Variants in TMEM232 observed in about 807,000 individuals in gnomAD.
The protein encoded by TMEM232 is transmembrane protein 232.
TMEM232 carries 80 observed loss-of-function variants against 78.8 expected under a neutral mutation model. The ratio of observed to expected loss-of-function variants is 1.01; its 90% CI spans 0.85 to 1.22. The LOEUF is 1.22. Among genes scored for constraint, TMEM232 ranks in the 50% most tolerant of loss-of-function variants. The pLI, the probability that TMEM232 is intolerant of heterozygous loss-of-function variation, is 0.00. For missense variants in TMEM232, 881 were observed against 742.2 expected (o/e 1.19, Z -2.17); for synonymous variants, 297 against 254.3 (o/e 1.17, Z -1.60).
intron 2 of TMEM232, among the ~76,000 whole-genome samples, chr5:110,665,116 G>C (rs898236810): frequency 3.3e-5 from 5 of 152,006 alleles, no homozygotes; most frequent in African/African-American, 1.2e-4. Flanking sequence ...AAATTCTATT[G>C]TATGTATACC....
chr5:110,721,278 A>G (rs1041822733), intron 1 of TMEM232, among the ~76,000 whole-genome samples: 2 of 152,088 alleles, frequency 1.3e-5, no homozygotes, highest in African/African-American at 2.4e-5. Context: ...CACCAATAAA[A>G]TGTAGCCCTG....
At chr5:110,410,293 A>G (rs1038011125) in intron 2 of TMEM232, among the ~76,000 whole-genome samples, 1 of 152,180 alleles carries the variant, frequency 6.6e-6, no homozygotes, top group Non-Finnish European at 1.5e-5. Context: ...AGCTTAATGT[A>G]TGTTTTAAAT....
intron 2 of TMEM232, among the ~76,000 whole-genome samples, chr5:110,644,822 A>C (rs950604082): frequency 2.0e-5 from 3 of 151,514 alleles, no homozygotes; most frequent in Non-Finnish European, 4.4e-5. Flanking sequence ...TGTTTTCTTG[A>C]AAAAATAAAC....
intron 1 of TMEM232, among the ~76,000 whole-genome samples, chr5:110,684,434 A>G (rs1311330127): frequency 6.6e-6 from 1 of 152,102 alleles, no homozygotes; most frequent in Non-Finnish European, 1.5e-5. Flanking sequence ...TCCTGTCTCT[A>G]AAAGCAACTT....
chr5:110,633,800 C>A (rs935115725), intron 5 of TMEM232, among the ~76,000 whole-genome samples: 3 of 152,060 alleles, frequency 2.0e-5, no homozygotes, highest in Non-Finnish European at 2.9e-5. Flanking sequence ...TGGACTAATA[C>A]AAACCAGAAA....
At chr5:110,453,852 T>A (rs377749279) in intron 12 of TMEM232, among the ~76,000 whole-genome samples, 40 of 150,276 alleles carry the variant, frequency 2.7e-4, no homozygotes, top group East Asian at 1.4e-3. Context: ...ACCAATGTTA[T>A]AAGACATCAG....
intron 10 of TMEM232, among the ~76,000 whole-genome samples, chr5:110,601,195 T>A (rs918836170): frequency 5.3e-5 from 8 of 152,150 alleles, no homozygotes; most frequent in Admixed American, 2.6e-4. Flanking sequence ...TCATAGCCAA[T>A]ATCATACTGA....
chr5:110,647,283 C>G (rs1580490790), intron 2 of TMEM232, among the ~76,000 whole-genome samples: 1 of 151,856 alleles, frequency 6.6e-6, no homozygotes, highest in Admixed American at 6.6e-5. Flanking sequence ...TTGTGCCAAT[C>G]TTGTCAAGAC....
At chr5:110,665,683 A>C (rs1790469590) in intron 2 of TMEM232, among the ~76,000 whole-genome samples, 1 of 152,088 alleles carries the variant, frequency 6.6e-6, no homozygotes, top group African/African-American at 2.4e-5. Context: ...ATTATAATTC[A>C]AGATGATATT....
rs1759170607 is a variant in TMEM232 at position 110,442,474 on chromosome 5, AT to A, written c.1704-17559del. On this transcript the variant is annotated intron_variant, in intron 12 of 13. Transcript: ENST00000455884. ...CAGAATCTCTGCTTGATTTAAAAAA[AT>A]AATTTCAATCTTTTTGTTAAACTTA... is the stretch of plus-strand genomic sequence containing the variant. Among the ~76,000 whole-genome samples the A allele has an allele frequency of 2.0e-5, 3 of 152,202 alleles. No homozygotes were observed. The South Asian group carries it at 6.2e-4, about 32-fold the overall frequency.
chr5:110,582,500 A>T (rs1193576657), intron 10 of TMEM232, among the ~76,000 whole-genome samples: 1 of 151,864 alleles, frequency 6.6e-6, no homozygotes, highest in African/African-American at 2.4e-5. Context: ...AGACACTGGG[A>T]CTACTAGAGG....
At chr5:110,578,420 T>A (rs1313927911) in intron 10 of TMEM232, among the ~76,000 whole-genome samples, 1 of 152,010 alleles carries the variant, frequency 6.6e-6, no homozygotes, top group African/African-American at 2.4e-5. Context: ...TTAAAACCCA[T>A]AATCTTGAAG....
intron 8 of TMEM232, among the ~76,000 whole-genome samples, chr5:110,612,980 G>A (rs1386450120): frequency 6.6e-6 from 1 of 152,176 alleles, no homozygotes; most frequent in Non-Finnish European, 1.5e-5. Flanking sequence ...GCGTTAAGTG[G>A]AAATCTGCCT....
chr5:110,738,096 G>C, upstream of TMEM232: 1 of 488,916 alleles, frequency 2.0e-6, no homozygotes, highest in South Asian at 2.7e-5. Context: ...GCATCTGGAA[G>C]ATCGAGAACT....
chr5:110,547,044 G>T (rs1205003844), intron 11 of TMEM232, among the ~76,000 whole-genome samples: 3 of 151,828 alleles, frequency 2.0e-5, no homozygotes, highest in African/African-American at 7.3e-5. Flanking sequence ...ACAACTGTAA[G>T]ATGTGCTTAA....
downstream of TMEM232, among the ~76,000 whole-genome samples, chr5:110,415,048 G>A (rs1040834921): frequency 5.3e-5 from 8 of 152,122 alleles, no homozygotes; most frequent in East Asian, 7.7e-4. Context: ...TGACTTAACA[G>A]TTCCTCAGTC....
chr5:110,707,730 A>C (rs142325420), intron 1 of TMEM232, among the ~76,000 whole-genome samples: 3,330 of 152,324 alleles, frequency 0.022, 43 homozygotes, highest in Middle Eastern at 0.031. Context: ...CAGGCAGTGC[A>C]GCTTGCAGCA....
intron 2 of TMEM232, among the ~76,000 whole-genome samples, chr5:110,401,856 C>G (rs550064988): frequency 6.6e-6 from 1 of 152,236 alleles, no homozygotes; most frequent in South Asian, 2.1e-4. Flanking sequence ...AGCCAGCCGT[C>G]TGACAAGCGG....
chr5:110,469,700 G>C (rs1304532815), intron 12 of TMEM232, among the ~76,000 whole-genome samples: 1 of 152,154 alleles, frequency 6.6e-6, no homozygotes, highest in African/African-American at 2.4e-5. Context: ...TAGCCACCCA[G>C]AGCTGTCAAT....
Sources: gnomAD v4.1 joint callset for allele counts (sites outside exome capture counted in the v4.1 genomes callset) on GRCh38, gnomAD v4.1.1 for gene constraint, MANE v1.5 for transcripts, NCBI Gene and HGNC (gene_info 2026-07-23, HGNC 2026-07-21) for gene names.